Variants in PKHD1L1 observed in about 807,000 individuals in gnomAD.
The protein encoded by PKHD1L1 is fibrocystin-L.
Under a neutral mutation model 462.9 loss-of-function variants are expected in PKHD1L1, and 434 were observed. The ratio of observed to expected loss-of-function variants is 0.94; its 90% CI spans 0.87 to 1.02. The LOEUF (loss-of-function observed/expected upper bound fraction) is 1.02, where lower values mean the gene tolerates loss of function less well. Ranked by LOEUF, PKHD1L1 falls within the 50% of genes least tolerant of loss-of-function variation. The probability of loss-of-function intolerance (pLI) is 0.00; values close to 1 mark genes in which losing one functional copy is unlikely to be tolerated. For synonymous variants in PKHD1L1, 1,781 were observed against 1,750.0 expected (o/e 1.02, Z -0.44); for missense variants, 5,202 against 5,096.1 (o/e 1.02, Z -0.63).
chr8:109,429,184 C>T (rs1814942098), intron 25 of PKHD1L1, among the ~76,000 whole-genome samples, 156 bp from the exon 26 acceptor site: 1 of 151,792 alleles, frequency 6.6e-6, no homozygotes, highest in Admixed American at 6.6e-5. Flanking sequence ...TGAAGAGGCT[C>T]CTTTTATTTA....
intron 18 of PKHD1L1, among the ~76,000 whole-genome samples, chr8:109,408,617 T>C (rs1813684652): frequency 1.3e-5 from 2 of 152,220 alleles, no homozygotes; most frequent in African/African-American, 2.4e-5. Flanking sequence ...TATTATTTTA[T>C]TGATGTATTT....
At chr8:109,402,430 T>C (rs960746498) in intron 14 of PKHD1L1, among the ~76,000 whole-genome samples, 3 of 152,198 alleles carry the variant, frequency 2.0e-5, no homozygotes, top group Middle Eastern at 3.4e-3. Context: ...GCAGGCATGG[T>C]TGAGTCTTAG....
In PKHD1L1 at chr8:109,480,119, G is replaced by C. The variant is rs191158689; in HGVS notation, c.9307G>C (p.Ala3103Pro). The change falls in exon 55 of 78, where the codon GCT (alanine) becomes CCT (proline). Residue 3103 changes from alanine to proline, a missense_variant. Coordinates refer to ENST00000378402, the MANE Select transcript of PKHD1L1 (RefSeq NM_177531.6). ...TTCTTACAGAGAAGTTGTTTTGAATGCTACCTACATATCACTGCAGGTAAG... is the reference window on the plus strand; with the variant it reads ...TTCTTACAGAGAAGTTGTTTTGAATCCTACCTACATATCACTGCAGGTAAG... ...ESSYREVVLNATYISLQGGRL... is the reference protein window; with the variant it reads ...ESSYREVVLNPTYISLQGGRL... The C allele has an allele frequency of 1.7e-3, 2,617 of 1,572,296 alleles. 2 individuals carry two copies. The highest frequency in any genetic ancestry group is 1.8e-3 in the Non-Finnish European group (2,143 of 1,158,568).
At chr8:109,389,053 T>C (rs1231490176) in intron 7 of PKHD1L1, 26 bp from the exon 8 acceptor site, 1 of 1,476,180 alleles carries the variant, frequency 6.8e-7, no homozygotes, top group South Asian at 1.2e-5. Flanking sequence ...CTATATAAGC[T>C]TTGACATTAA....
chr8:109,435,912 T>C (rs1044902089), intron 29 of PKHD1L1, among the ~76,000 whole-genome samples: 2 of 152,222 alleles, frequency 1.3e-5, no homozygotes, highest in Non-Finnish European at 2.9e-5. Flanking sequence ...ATTTTTAAAG[T>C]TTAGTTTTCC....
chr8:109,495,200 T>C (rs1819026476), intron 63 of PKHD1L1, among the ~76,000 whole-genome samples: 17 of 152,080 alleles, frequency 1.1e-4, no homozygotes, highest in Admixed American at 1.0e-3. Context: ...TTTAAGTGAT[T>C]CCTTGATATA....
chr8:109,439,833 T>C (rs1815672922), intron 32 of PKHD1L1, among the ~76,000 whole-genome samples: 1 of 152,144 alleles, frequency 6.6e-6, no homozygotes, highest in South Asian at 2.1e-4. Flanking sequence ...ATACAGCTAA[T>C]GTCAGAGTAG....
At chr8:109,417,557 C>CT (rs1411712368) in intron 21 of PKHD1L1, among the ~76,000 whole-genome samples, 1 of 151,752 alleles carries the variant, frequency 6.6e-6, no homozygotes, top group Non-Finnish European at 1.5e-5. Flanking sequence ...TTCTTTTTTT[C>CT]TTTTGAGATG....
At chr8:109,381,988 G>A (rs1313495580) in intron 3 of PKHD1L1, among the ~76,000 whole-genome samples, 1 of 151,972 alleles carries the variant, frequency 6.6e-6, no homozygotes, top group Non-Finnish European at 1.5e-5. Flanking sequence ...ACTTTAAATT[G>A]CAACTTTCAA....
At chr8:109,435,152 A>C (rs1426648444) in intron 28 of PKHD1L1, 38 bp from the exon 29 acceptor site, 1 of 1,607,190 alleles carries the variant, frequency 6.2e-7, no homozygotes, top group South Asian at 1.1e-5. Flanking sequence ...AAACCATTTG[A>C]TTTACCATTT....
At chr8:109,407,252 G>T (rs911926476) in intron 17 of PKHD1L1, among the ~76,000 whole-genome samples, 3 of 152,092 alleles carry the variant, frequency 2.0e-5, no homozygotes. Context: ...TTTGATTGTT[G>T]AGTGGAGGAT....
At chr8:109,387,003 T>A (rs1452270590) in intron 6 of PKHD1L1, among the ~76,000 whole-genome samples, 1 of 152,176 alleles carries the variant, frequency 6.6e-6, no homozygotes, top group Non-Finnish European at 1.5e-5. Context: ...TAGAATTTTT[T>A]CACACATCTA....
rs536749895 is a variant in PKHD1L1 at position 109,491,808 on chromosome 8, A to G, written c.10115-65A>G. 3.6e-5 allele frequency: 50 copies of G among 1,408,400 alleles called. No individual in the cohort carries two copies. The African/African-American group carries it at 6.5e-4, about 18-fold the overall frequency. 87.2% of individuals were successfully genotyped at this position (1,408,400 alleles called of 1,614,324 possible). A position where few individuals can be genotyped will look rare whatever the true frequency, so the allele number is the denominator to read the frequency against. On this transcript the variant is annotated intron_variant, in intron 61 of 77. Coordinates refer to ENST00000378402, the MANE Select transcript of PKHD1L1 (RefSeq NM_177531.6). ...GAAAAATCAAAAGACATTACTCCTA[A>G]TAGTCGTTGCAAATTGACTTATGTT...
intron 72 of PKHD1L1, among the ~76,000 whole-genome samples, chr8:109,515,887 A>G (rs1820243264): frequency 1.3e-5 from 2 of 152,170 alleles, no homozygotes; most frequent in African/African-American, 4.8e-5. Flanking sequence ...TGAGGCCAAT[A>G]GCATACATTC....
At chr8:109,370,080 G>A (rs1004332418) in intron 2 of PKHD1L1, among the ~76,000 whole-genome samples, 3 of 152,100 alleles carry the variant, frequency 2.0e-5, no homozygotes, top group African/African-American at 7.2e-5. Context: ...GCCTGGGTTC[G>A]AATCCCGGCT....
intron 23 of PKHD1L1, among the ~76,000 whole-genome samples, chr8:109,424,113 T>C (rs989515840): frequency 1.3e-4 from 20 of 152,096 alleles, no homozygotes; most frequent in Non-Finnish European, 2.6e-4. Context: ...CCGCTCTTCT[T>C]TCTTAAACTC....
intron 77 of PKHD1L1, among the ~76,000 whole-genome samples, chr8:109,528,529 A>G (rs961565414): frequency 6.6e-6 from 1 of 152,166 alleles, no homozygotes; most frequent in Non-Finnish European, 1.5e-5. Flanking sequence ...TATTCCCTAT[A>G]TCTATACCTA....
intron 14 of PKHD1L1, among the ~76,000 whole-genome samples, chr8:109,403,263 A>G (rs1586438596): frequency 6.6e-6 from 1 of 152,194 alleles, no homozygotes; most frequent in East Asian, 1.9e-4. Context: ...GTCTTTCCAA[A>G]GGTAGCTCAT....
chr8:109,382,344 C>T (rs1358344375), intron 3 of PKHD1L1, 119 bp from the exon 4 acceptor site: 17 of 696,328 alleles, frequency 2.4e-5, no homozygotes, highest in South Asian at 5.7e-5. Flanking sequence ...ACATCAGTTA[C>T]GACGTTGGAC....
Sources: allele counts gnomAD v4.1 joint callset (sites outside exome capture counted in the v4.1 genomes callset), GRCh38; gene constraint gnomAD v4.1.1; transcripts MANE v1.5; gene names NCBI Gene and HGNC (gene_info 2026-07-23, HGNC 2026-07-21).